Variants in DPF3 observed in about 807,000 individuals in gnomAD.
The protein encoded by DPF3 is double PHD fingers 3.
Under a neutral mutation model 56.8 loss-of-function variants are expected in DPF3, and 18 were observed. That is an observed-to-expected ratio of 0.32 (90% CI 0.22 to 0.47). The LOEUF is 0.47. Among genes scored for constraint, DPF3 ranks in the 20% least tolerant of loss-of-function variants. The pLI, the probability that DPF3 is intolerant of heterozygous loss-of-function variation, is 1.00. For missense variants in DPF3, 403 were observed against 488.8 expected, an observed-to-expected ratio of 0.82 and a Z score of 1.65; for synonymous variants, 188 against 180.2, an observed-to-expected ratio of 1.04 and a Z score of -0.35.
intron 1 of DPF3, among the ~76,000 whole-genome samples, chr14:72,861,791 G>T (rs1266882591): frequency 1.3e-5 from 2 of 150,574 alleles, no homozygotes; most frequent in Non-Finnish European, 3.0e-5. Context: ...AAGAAAGAAA[G>T]AAAGAAAGAA....
At chr14:72,637,415 A>C (rs1885416368) in intron 8 of DPF3, among the ~76,000 whole-genome samples, 1 of 152,230 alleles carries the variant, frequency 6.6e-6, no homozygotes, top group Non-Finnish European at 1.5e-5. Flanking sequence ...AAAGCCCCTA[A>C]TTAGTCACTG....
intron 9 of DPF3, among the ~76,000 whole-genome samples, chr14:72,620,399 T>C (rs968831889): frequency 6.6e-6 from 1 of 152,210 alleles, no homozygotes; most frequent in Admixed American, 6.5e-5. Context: ...TGGACTCCAC[T>C]CTCTCCATCT....
chr14:72,636,921 C>A (rs1240483256), intron 8 of DPF3, among the ~76,000 whole-genome samples: 1 of 152,186 alleles, frequency 6.6e-6, no homozygotes, highest in East Asian at 1.9e-4. Context: ...TAAATGATAG[C>A]GTGAGCTGTG....
At chr14:72,762,561 ACTCT>A in intron 2 of DPF3, among the ~76,000 whole-genome samples, 1 of 151,902 alleles carries the variant, frequency 6.6e-6, no homozygotes, top group East Asian at 1.9e-4. Flanking sequence ...AAAAAAAAAA[ACTCT>A]CAAACTAGAA....
At chr14:72,866,818 T>G (rs1050421741) in intron 1 of DPF3, among the ~76,000 whole-genome samples, 1 of 150,284 alleles carries the variant, frequency 6.7e-6, no homozygotes, top group Admixed American at 6.6e-5. Flanking sequence ...TTTGCACCAT[T>G]GCACTCCAGC....
At chr14:72,621,034 A>G (rs1884403688) in intron 9 of DPF3, among the ~76,000 whole-genome samples, 1 of 151,856 alleles carries the variant, frequency 6.6e-6, no homozygotes, top group Non-Finnish European at 1.5e-5. Flanking sequence ...CCAGCTACTC[A>G]GGAGGCTGAG....
chr14:72,842,633 C>T (rs1884594085), intron 1 of DPF3, among the ~76,000 whole-genome samples: 1 of 152,104 alleles, frequency 6.6e-6, no homozygotes. Flanking sequence ...GCATGCTCAA[C>T]TTGTGAATTT....
rs1001801757 is a variant in DPF3 at position 72,729,690 on chromosome 14, G to C, written c.429+2117C>G. On this transcript the variant is annotated intron_variant, in intron 4 of 10. Transcript: ENST00000556509. ...AGCCAATCTGAAAAGGCAACATACT[G>C]TGAGTCCAAGTATATGACATCCTGG... Among the ~76,000 whole-genome samples the C allele has an allele frequency of 2.6e-5, 4 of 152,190 alleles. No individual in the cohort carries two copies. The South Asian group carries it at 8.3e-4, about 32-fold the overall frequency.
chr14:72,696,647 G>A (rs908456491), intron 6 of DPF3, among the ~76,000 whole-genome samples: 2 of 152,202 alleles, frequency 1.3e-5, no homozygotes, highest in African/African-American at 4.8e-5. Context: ...CAGACTAATT[G>A]TTCTTAAAAG....
chr14:72,768,711 C>T (rs1472612184), intron 2 of DPF3, among the ~76,000 whole-genome samples: 1 of 151,984 alleles, frequency 6.6e-6, no homozygotes, highest in African/African-American at 2.4e-5. Context: ...TAAGTGAAAG[C>T]AAAATGAAAC....
intron 8 of DPF3, among the ~76,000 whole-genome samples, chr14:72,666,483 A>G (rs1886449620): frequency 1.3e-5 from 2 of 152,214 alleles, no homozygotes; most frequent in Non-Finnish European, 2.9e-5. Flanking sequence ...TAGACTTAGG[A>G]AAGATTATTA....
At chr14:72,843,206 CTG>C (rs1318154316) in intron 1 of DPF3, among the ~76,000 whole-genome samples, 2 of 152,142 alleles carry the variant, frequency 1.3e-5, no homozygotes. Flanking sequence ...AACAGAGAAA[CTG>C]GCACTTTCTT....
chr14:72,704,864 C>T (rs899885115), intron 6 of DPF3, among the ~76,000 whole-genome samples: 12 of 152,158 alleles, frequency 7.9e-5, no homozygotes, highest in Non-Finnish European at 1.8e-4. Context: ...TCATCTGCCC[C>T]GTCTATTTCA....
intron 8 of DPF3, among the ~76,000 whole-genome samples, chr14:72,650,027 G>A (rs998059060): frequency 2.6e-5 from 4 of 152,172 alleles, no homozygotes; most frequent in Non-Finnish European, 4.4e-5. Context: ...CTGACCATCC[G>A]GTGGCCTCCC....
intron 1 of DPF3, among the ~76,000 whole-genome samples, chr14:72,779,417 T>C (rs1644441884): frequency 6.6e-6 from 1 of 152,224 alleles, no homozygotes; most frequent in South Asian, 2.1e-4. Context: ...AACTCAGTGT[T>C]TAGTCTTTCA....
At chr14:72,628,633 CAA>C (rs1884976674) in intron 9 of DPF3, among the ~76,000 whole-genome samples, 1 of 150,106 alleles carries the variant, frequency 6.7e-6, no homozygotes, top group African/African-American at 2.5e-5. Flanking sequence ...GTAGTCTTGC[CAA>C]AAGAGAGAGA....
chr14:72,826,506 C>T (rs990883212), intron 1 of DPF3, among the ~76,000 whole-genome samples: 3 of 152,152 alleles, frequency 2.0e-5, no homozygotes, highest in Non-Finnish European at 4.4e-5. Context: ...TGCCTCTATC[C>T]TGATCTGGCT....
At chr14:72,623,577 T>C (rs986439325) in intron 9 of DPF3, among the ~76,000 whole-genome samples, 14 of 152,324 alleles carry the variant, frequency 9.2e-5, no homozygotes, top group African/African-American at 3.4e-4. Context: ...ATCAAATGAG[T>C]AATTATGTTG....
chr14:72,800,746 ATGGATGGGTG>A (rs1892857950), intron 1 of DPF3, among the ~76,000 whole-genome samples: 17 of 152,076 alleles, frequency 1.1e-4, no homozygotes, highest in South Asian at 2.1e-4. Context: ...GGGTGGATGC[ATGGATGGGTG>A]CATGGGTGGA....
Sources: allele counts gnomAD v4.1 joint callset (sites outside exome capture counted in the v4.1 genomes callset), GRCh38; gene constraint gnomAD v4.1.1; transcripts MANE v1.5; gene names NCBI Gene and HGNC (gene_info 2026-07-23, HGNC 2026-07-21).